TAF6L: variants seen among roughly 807,000 people sequenced by gnomAD.
TAF6L encodes the protein TATA-box binding protein associated factor 6 like.
A neutral mutation model predicts 57.3 loss-of-function variants in TAF6L; 34 were observed. That is an observed-to-expected ratio of 0.59 (90% CI 0.45 to 0.79). TAF6L has a LOEUF of 0.79. Among genes scored for constraint, TAF6L ranks in the 30% least tolerant of loss-of-function variants. TAF6L has a pLI of 0.00. For synonymous variants in TAF6L, 417 were observed against 376.3 expected (o/e 1.11, Z -1.25); for missense variants, 782 against 853.2 (o/e 0.92, Z 1.04).
chr11:62,774,284 A>G (rs893377230), intron 1 of TAF6L, among the ~76,000 whole-genome samples: 5 of 151,870 alleles, frequency 3.3e-5, no homozygotes, highest in Non-Finnish European at 5.9e-5. Flanking sequence ...CACCGTGTTA[A>G]CCAGGATGGT....
intron 6 of TAF6L, among the ~76,000 whole-genome samples, chr11:62,781,239 GA>G (rs572508048): frequency 0.03 from 3,135 of 105,348 alleles, 49 homozygotes; most frequent in Middle Eastern, 0.065. Flanking sequence ...CCATCTCAAA[GA>G]AAAAAAAAAA....
At chr11:62,786,185 C>A in intron 9 of TAF6L, 75 bp from the exon 10 acceptor site, 1 of 1,539,044 alleles carries the variant, frequency 6.5e-7, no homozygotes, top group Non-Finnish European at 8.9e-7. Context: ...AAAGGTAGGT[C>A]TTTCATGGGA....
chr11:62,775,670 C>T, intron 1 of TAF6L, 101 bp from the exon 2 acceptor site: 1 of 1,359,402 alleles, frequency 7.4e-7, no homozygotes, highest in South Asian at 1.4e-5. Context: ...TTAGAAACTC[C>T]AGAGCACGAG....
At chr11:62,776,547 G>T in intron 3 of TAF6L, 77 bp downstream of exon 3, 16 of 1,473,030 alleles carry the variant, frequency 1.1e-5, no homozygotes, top group African/African-American at 2.8e-5. Flanking sequence ...TGGCGATGTG[G>T]TGAGACATTA....
At chr11:62,778,487 G>A in intron 5 of TAF6L, 152 bp downstream of exon 5, 1 of 892,034 alleles carries the variant, frequency 1.1e-6, no homozygotes, top group South Asian at 1.5e-5. Context: ...GCTCTGCATG[G>A]AGGGCTCAGA....
At chr11:62,785,272 A>G (rs1467123694) in intron 9 of TAF6L, among the ~76,000 whole-genome samples, 1 of 151,440 alleles carries the variant, frequency 6.6e-6, no homozygotes, top group Admixed American at 6.6e-5. Flanking sequence ...GCTCACTGCA[A>G]CCTCTGCCTC....
intron 9 of TAF6L, 45 bp downstream of exon 9, chr11:62,782,870 T>G: frequency 6.2e-7 from 1 of 1,603,416 alleles, no homozygotes; most frequent in South Asian, 1.1e-5. Context: ...AACTCCCATT[T>G]GTGTTAGAAA....
chr11:62,775,967 C>T (rs1308806288), intron 2 of TAF6L, 37 bp downstream of exon 2: 1 of 1,569,850 alleles, frequency 6.4e-7, no homozygotes, highest in Non-Finnish European at 8.6e-7. Context: ...TCCAACTTTC[C>T]TTGTTTCTGC....
chr11:62,772,305 T>G (rs899702795), intron 1 of TAF6L, among the ~76,000 whole-genome samples: 2 of 151,802 alleles, frequency 1.3e-5, no homozygotes, highest in Non-Finnish European at 2.9e-5. Flanking sequence ...CTGGATTGCC[T>G]GAGCTCAGGA....
At position 62,787,080 on chromosome 11, in the gene TAF6L, T is replaced by C; in HGVS notation, c.1653T>C (p.Arg551=). The C allele has an allele frequency of 6.5e-7, 1 of 1,535,282 alleles. No individual in the cohort carries two copies. Among genetic ancestry groups the C allele is most frequent in the Non-Finnish European group, 8.7e-7 (1 of 1,147,928 alleles). ...TGTRDVFQKS[R]FAPRGAPHFR... ...CCCGCGACGTTTTCCAGAAGAGCCG[T>C]TTCGCCCCGCGCGGCGCCCCGCACT... The change falls in exon 11 of 11, where the codon CGT becomes CGC. Residue 551 remains arginine, a synonymous_variant. Coordinates refer to ENST00000294168, the MANE Select transcript of TAF6L (RefSeq NM_006473.4).
At chr11:62,772,659 A>G (rs2084157119) in intron 1 of TAF6L, among the ~76,000 whole-genome samples, 1 of 151,354 alleles carries the variant, frequency 6.6e-6, no homozygotes, top group Non-Finnish European at 1.5e-5. Context: ...GCGAAACTCC[A>G]TCCCTACTAA....
chr11:62,786,668 G>A lies in TAF6L; in HGVS notation c.1241G>A (p.Ser414Asn). Reference sequence around the variant, plus strand: ...TCCTCCGGGGGCGGTGCAGAACCCAGCTTTGGGTCCGGCCTCCCGCTGCCG... The same window carrying A: ...TCCTCCGGGGGCGGTGCAGAACCCAACTTTGGGTCCGGCCTCCCGCTGCCG... ...ESSSGGGAEP[S>N]FGSGLPLPPG... Residue 414 changes from serine to asparagine, a missense_variant, in exon 11 of 11, where the codon AGC (serine) becomes AAC (asparagine). Coordinates refer to ENST00000294168, the MANE Select transcript of TAF6L (RefSeq NM_006473.4). The A allele has an allele frequency of 6.2e-7, 1 of 1,611,852 alleles. No homozygotes were observed. Among genetic ancestry groups the A allele is most frequent in the Non-Finnish European group, 8.5e-7 (1 of 1,179,078 alleles).
chr11:62,784,670 G>A (rs2084257438), intron 9 of TAF6L, among the ~76,000 whole-genome samples: 1 of 152,114 alleles, frequency 6.6e-6, no homozygotes, highest in Non-Finnish European at 1.5e-5. Flanking sequence ...TGCATCTTTT[G>A]AAATGATCCG....
Position 62,778,066 on chromosome 11 carries a change from A to G in TAF6L, c.323A>G (p.Asn108Ser), listed in dbSNP as rs2084200354. ...ELYFPEDREV[N>S]LVELALATNI... ...TACTTTCCTGAGGATCGAGAGGTGA[A>G]CCTGGTGGAGCTGGCCCTGGCTACC... Residue 108 changes from asparagine to serine, a missense_variant, in exon 4 of 11, where the codon AAC (asparagine) becomes AGC (serine). Asn to Ser is a conservative substitution (Grantham distance 46). Transcript: ENST00000294168. The G allele has an allele frequency of 6.2e-7, 1 of 1,614,002 alleles. No individual in the cohort carries two copies.
chr11:62,786,230 T>G, intron 9 of TAF6L, 30 bp from the exon 10 acceptor site: 1 of 1,598,004 alleles, frequency 6.3e-7, no homozygotes, highest in Non-Finnish European at 8.6e-7. Flanking sequence ...ATCAAAGACA[T>G]GCTAACTGTA....
intron 2 of TAF6L, 59 bp downstream of exon 2, chr11:62,775,989 C>T: frequency 6.5e-7 from 1 of 1,542,000 alleles, no homozygotes; most frequent in Non-Finnish European, 8.8e-7. Context: ...TTTTTACTAA[C>T]CTCCACCCTC....
At chr11:62,775,700 G>C in intron 1 of TAF6L, 71 bp from the exon 2 acceptor site, 1 of 1,472,594 alleles carries the variant, frequency 6.8e-7, no homozygotes, top group Non-Finnish European at 9.1e-7. Context: ...TGGTGTGGAG[G>C]GTGTTGGATC....
chr11:62,779,968 A>ATTT (rs1341684851), intron 6 of TAF6L, among the ~76,000 whole-genome samples: 2 of 66,636 alleles, frequency 3.0e-5, no homozygotes, highest in African/African-American at 8.9e-5. Flanking sequence ...ATATATATAT[A>ATTT]TATATATATT....
In TAF6L at chr11:62,786,543, G is replaced by T; in HGVS notation, c.1116G>T (p.Met372Ile). 6.4e-7 allele frequency: 1 copy of T among 1,552,036 alleles called. No individual in the cohort carries two copies. Residue 372 changes from methionine (M) to isoleucine (I), a missense_variant, in exon 11 of 11, where the codon ATG becomes ATT. Around this residue, in one of 3 missense-constraint regions of TAF6L, gnomAD observed 483 missense variants for 445.1 expected, o/e 1.09. Transcript: ENST00000294168. ...TGGCGGTAGAGCGACTGCTGAAGAT[G>T]AAGGCCCAGGCAGCAGAGCCCAACA... Reference protein sequence around the residue: ...ILVAVERLLKMKAQAAEPNRG... With the variant: ...ILVAVERLLKIKAQAAEPNRG...
Sources: allele counts gnomAD v4.1 joint callset (sites outside exome capture counted in the v4.1 genomes callset), GRCh38; gene constraint gnomAD v4.1.1; regional missense constraint gnomAD v4.1.1; transcripts MANE v1.5; gene names NCBI Gene and HGNC (gene_info 2026-07-23, HGNC 2026-07-21).